TTI1: variants seen among roughly 807,000 people sequenced by gnomAD.
TTI1 encodes the protein TELO2 interacting protein 1.
In TTI1, 52 loss-of-function variants were observed where a neutral mutation model predicts 85.4. The ratio of observed to expected loss-of-function variants is 0.61; its 90% confidence interval spans 0.49 to 0.77. The LOEUF (loss-of-function observed/expected upper bound fraction) is 0.77. TTI1 is among the 30% of genes least tolerant of loss of function. The probability of loss-of-function intolerance (pLI) is 0.00; values close to 1 mark genes in which losing one functional copy is unlikely to be tolerated. For synonymous variants in TTI1, 512 were observed against 503.9 expected (o/e 1.02, Z -0.22); for missense variants, 1,173 against 1,296.0 (o/e 0.91, Z 1.46).
rs779297216 is a variant in TTI1, at chr20:38,013,471, A to T, written c.346T>A (p.Ser116Thr). The T allele has an allele frequency of 6.2e-7, 1 of 1,613,922 alleles. No homozygotes were observed. The highest frequency in any genetic ancestry group is 1.3e-5 in the African/African-American group (1 of 74,916). ...ATCACAGCCAATTTCAACTCCTCGG[A>T]CACAGCCGCAGGTTTTTGGGAGCTG... ...SPSSQKPAAV[S>T]EELKLAVIQG... The change falls in exon 2 of 8, where the codon TCC becomes ACC. Residue 116 changes from serine (S) to threonine (T), a missense_variant. By Grantham distance (58) the Ser-to-Thr change is moderately conservative. Coordinates refer to ENST00000373447, the MANE Select transcript of TTI1 (RefSeq NM_001303457.2).
At chr20:38,023,577 T>C (rs1378461551) in intron 1 of TTI1, among the ~76,000 whole-genome samples, 1 of 152,252 alleles carries the variant, frequency 6.6e-6, no homozygotes, top group Non-Finnish European at 1.5e-5. Context: ...ACTGGAGGAC[T>C]ACTATCTTGG....
intron 1 of TTI1, among the ~76,000 whole-genome samples, chr20:38,033,076 A>C (rs947822261): frequency 6.6e-6 from 1 of 152,162 alleles, no homozygotes; most frequent in Non-Finnish European, 1.5e-5. Context: ...TCAAAACAGG[A>C]CATTAAAGGG....
chr20:37,988,920 C>T (rs1325629518), intron 7 of TTI1, among the ~76,000 whole-genome samples: 2 of 152,188 alleles, frequency 1.3e-5, no homozygotes, highest in African/African-American at 4.8e-5. Flanking sequence ...GCTGATGCTG[C>T]AAAGGAGGCT....
At chr20:37,989,471 T>A (rs368325487) in intron 7 of TTI1, among the ~76,000 whole-genome samples, 1 of 152,318 alleles carries the variant, frequency 6.6e-6, no homozygotes, top group South Asian at 2.1e-4. Context: ...GTCCAATCTG[T>A]TATAGACAAT....
chr20:37,994,142 T>C lies in TTI1; in HGVS notation c.3086+2233A>G, dbSNP rs561825265. Among the ~76,000 whole-genome samples, 37 of 152,222 alleles carry C rather than the reference T, an allele frequency of 2.4e-4. 1 individual carries two copies. The South Asian group carries it at 7.7e-3, about 32-fold the overall frequency. ...TCATGCAGGGGACTTGGTTCCTCAGTACTAGTAGGTATGACAGACTGCACT... is the reference window on the plus strand; with the variant it reads ...TCATGCAGGGGACTTGGTTCCTCAGCACTAGTAGGTATGACAGACTGCACT... On this transcript the variant is annotated intron_variant, in intron 7 of 7. Coordinates refer to ENST00000373447, the MANE Select transcript of TTI1 (RefSeq NM_001303457.2).
At chr20:38,023,709 A>G (rs2073799576) in intron 1 of TTI1, among the ~76,000 whole-genome samples, 1 of 152,260 alleles carries the variant, frequency 6.6e-6, no homozygotes, top group Admixed American at 6.5e-5. Flanking sequence ...TTGTTTAATA[A>G]ATAAGTAAAA....
chr20:37,992,344 C>A (rs903521197), intron 7 of TTI1, among the ~76,000 whole-genome samples: 2 of 152,024 alleles, frequency 1.3e-5, no homozygotes, highest in Non-Finnish European at 2.9e-5. Flanking sequence ...GGTGTGATCA[C>A]GGCTCACTAT....
At chr20:38,029,951 T>C (rs902656967) in intron 1 of TTI1, among the ~76,000 whole-genome samples, 2 of 152,126 alleles carry the variant, frequency 1.3e-5, no homozygotes, top group Non-Finnish European at 2.9e-5. Context: ...TGACCTTGGA[T>C]TTCTCAGCCT....
At chr20:38,033,307 C>T (rs1235645210) in intron 1 of TTI1, 97 bp downstream of exon 1, 1 of 152,484 alleles carries the variant, frequency 6.6e-6, no homozygotes, top group African/African-American at 2.4e-5. Flanking sequence ...CTCCCATATC[C>T]AGATCATGAT....
At chr20:37,996,506 A>T (rs1268870938) in intron 6 of TTI1, 44 bp from the exon 7 acceptor site, 1 of 1,604,400 alleles carries the variant, frequency 6.2e-7, no homozygotes, top group Admixed American at 1.7e-5. Context: ...CTTACACTTC[A>T]TTTGGGACAA....
chr20:38,010,957 T>C (rs1745172517), intron 2 of TTI1, among the ~76,000 whole-genome samples: 1 of 152,186 alleles, frequency 6.6e-6, no homozygotes, highest in Non-Finnish European at 1.5e-5. Context: ...AAATATAGAA[T>C]TCAGTTCCTC....
intron 1 of TTI1, among the ~76,000 whole-genome samples, chr20:38,024,224 AAAGTAT>A (rs1359480548): frequency 1.3e-5 from 2 of 152,196 alleles, no homozygotes; most frequent in Admixed American, 1.3e-4. Flanking sequence ...TCAGGTAACT[AAAGTAT>A]GTTTGCATAT....
intron 7 of TTI1, among the ~76,000 whole-genome samples, chr20:37,990,220 T>G (rs1422615653): frequency 6.6e-6 from 1 of 152,218 alleles, no homozygotes; most frequent in African/African-American, 2.4e-5. Flanking sequence ...CTTCCTTTTT[T>G]CTTTGTTGCA....
At chr20:38,030,528 AACACAC>A (rs3038751) in intron 1 of TTI1, among the ~76,000 whole-genome samples, 22 of 144,936 alleles carry the variant, frequency 1.5e-4, no homozygotes, top group South Asian at 6.6e-4. Context: ...CAGTATGTAA[AACACAC>A]ACACACACAC....
intron 2 of TTI1, among the ~76,000 whole-genome samples, chr20:38,006,879 G>A (rs939817501): frequency 6.6e-6 from 1 of 152,048 alleles, no homozygotes; most frequent in African/African-American, 2.4e-5. Context: ...ATGTTCCATT[G>A]GTCACCACTG....
chr20:38,011,811 T>A lies in TTI1; in HGVS notation c.2006A>T (p.Gln669Leu). The change falls in exon 2 of 8, where the codon CAG becomes CTG. Residue 669 changes from glutamine to leucine, a missense_variant. Transcript: ENST00000373447. ...GTCCATCATGGTGCTGGTAGCCACC[T>A]GACTAATGAGTAGGGTTTGGTCTCC... Reference protein sequence around the residue: ...KAGDQTLLISQVATSTMMDVC... With the variant: ...KAGDQTLLISLVATSTMMDVC... 1 of 1,614,244 alleles carries A rather than the reference T, an allele frequency of 6.2e-7. No individual in the cohort carries two copies. Among genetic ancestry groups the A allele is most frequent in the African/African-American group, 1.3e-5 (1 of 75,062 alleles).
chr20:38,016,149 C>G (rs1400083183), intron 1 of TTI1, among the ~76,000 whole-genome samples: 1 of 152,180 alleles, frequency 6.6e-6, no homozygotes, highest in Non-Finnish European at 1.5e-5. Context: ...ATTGTGGCCC[C>G]CAAATGCCAC....
chr20:38,008,201 C>A (rs190622854), intron 2 of TTI1, among the ~76,000 whole-genome samples: 3 of 152,282 alleles, frequency 2.0e-5, no homozygotes, highest in African/African-American at 7.2e-5. Flanking sequence ...ATTGGTACAA[C>A]CTCTTAGAGA....
At chr20:38,028,644 C>T (rs2073865984) in intron 1 of TTI1, among the ~76,000 whole-genome samples, 1 of 152,192 alleles carries the variant, frequency 6.6e-6, no homozygotes, top group Non-Finnish European at 1.5e-5. Flanking sequence ...CCACCATCAA[C>T]CAACAGGACC....
Sources: allele counts gnomAD v4.1 joint callset (sites outside exome capture counted in the v4.1 genomes callset), GRCh38; gene constraint gnomAD v4.1.1; transcripts MANE v1.5; gene names NCBI Gene and HGNC (gene_info 2026-07-23, HGNC 2026-07-21).